GAS2: variants seen among roughly 807,000 people sequenced by gnomAD.
The protein encoded by GAS2 is growth arrest-specific protein 2.
A neutral mutation model predicts 37.5 loss-of-function variants in GAS2; 20 were observed. That is an observed-to-expected ratio of 0.53 (90% confidence interval 0.37 to 0.77). The LOEUF is 0.77. Among genes scored for constraint, GAS2 ranks in the 30% least tolerant of loss-of-function variants. The pLI is 0.00. For synonymous variants in GAS2, 144 were observed against 132.2 expected, an observed-to-expected ratio of 1.09 and a Z score of -0.61; for missense variants, 336 against 373.4, an observed-to-expected ratio of 0.90 and a Z score of 0.82.
chr11:22,694,344 G>A (rs913084885), intron 3 of GAS2, among the ~76,000 whole-genome samples: 1 of 152,060 alleles, frequency 6.6e-6, no homozygotes, highest in Non-Finnish European at 1.5e-5. Context: ...AAGTGCCAAC[G>A]TGTGTTCCTG....
At chr11:22,719,576 A>G (rs1424428133) in intron 3 of GAS2, among the ~76,000 whole-genome samples, 3 of 152,088 alleles carry the variant, frequency 2.0e-5, no homozygotes, top group Non-Finnish European at 2.9e-5. Context: ...CAATATAATT[A>G]CATACAGAAT....
intron 1 of GAS2, among the ~76,000 whole-genome samples, chr11:22,654,294 C>T (rs369868018): frequency 5.9e-4 from 90 of 152,278 alleles, no homozygotes; most frequent in African/African-American, 2.1e-3. Context: ...CTTAATGGTA[C>T]AGGGATATTT....
At chr11:22,759,952 G>A (rs12420550) in intron 7 of GAS2, among the ~76,000 whole-genome samples, 31,586 of 151,834 alleles carry the variant, frequency 0.21, 3,401 homozygotes, top group East Asian at 0.37. Context: ...AATAATGTCT[G>A]TGGTATTTGA....
chr11:22,684,259 A>C (rs1011618831), intron 2 of GAS2, among the ~76,000 whole-genome samples: 2 of 152,178 alleles, frequency 1.3e-5, no homozygotes, highest in Non-Finnish European at 2.9e-5. Flanking sequence ...ATTCCAGGTA[A>C]AGGAGAAAAT....
At chr11:22,700,658 A>G (rs1850792388) in intron 3 of GAS2, among the ~76,000 whole-genome samples, 1 of 152,200 alleles carries the variant, frequency 6.6e-6, no homozygotes, top group Non-Finnish European at 1.5e-5. Flanking sequence ...AGAGCATTAT[A>G]TAAAGGTAAA....
chr11:22,776,184 T>G (rs1352009163), intron 7 of GAS2, among the ~76,000 whole-genome samples: 4 of 152,190 alleles, frequency 2.6e-5, no homozygotes, highest in Non-Finnish European at 4.4e-5. Flanking sequence ...AGTCAGGTTT[T>G]TATGTTCTGG....
intron 3 of GAS2, among the ~76,000 whole-genome samples, chr11:22,692,086 T>C (rs923128334): frequency 3.9e-4 from 59 of 152,090 alleles, no homozygotes; most frequent in African/African-American, 1.3e-3. Context: ...GAATGGTATG[T>C]AAAGGAGCTT....
At chr11:22,789,524 T>C (rs549478129) in intron 7 of GAS2, among the ~76,000 whole-genome samples, 216 of 131,870 alleles carry the variant, frequency 1.6e-3, no homozygotes, top group Non-Finnish European at 2.4e-3. Flanking sequence ...TGCAGTGGCG[T>C]GATCTCGGCT....
chr11:22,789,698 C>G (rs565869614), intron 7 of GAS2, among the ~76,000 whole-genome samples: 1 of 151,302 alleles, frequency 6.6e-6, no homozygotes, highest in Non-Finnish European at 1.5e-5. Flanking sequence ...ATCTCCTGAC[C>G]TCATGATCCG....
intron 3 of GAS2, among the ~76,000 whole-genome samples, chr11:22,715,040 A>C (rs1027665125): frequency 6.6e-6 from 1 of 152,184 alleles, no homozygotes; most frequent in Non-Finnish European, 1.5e-5. Context: ...AAATTGAAAC[A>C]ATGACAAAAA....
At chr11:22,684,690 G>A (rs1376090586) in intron 2 of GAS2, among the ~76,000 whole-genome samples, 1 of 152,084 alleles carries the variant, frequency 6.6e-6, no homozygotes, top group African/African-American at 2.4e-5. Context: ...TCAGCCTCCC[G>A]AGTAGCTGGG....
chr11:22,787,573 C>T lies in GAS2; in HGVS notation c.724-24225C>T, dbSNP rs576462639. ...GCTGGAGTGACAAGTAGATTTATTC[C>T]GAAAAAAAAAGAAAAAAGAAAAAGA... is the stretch of plus-strand genomic sequence containing the variant. On this transcript the variant is annotated intron_variant, in intron 7 of 7. Transcript: ENST00000454584. Among the ~76,000 whole-genome samples the T allele has an allele frequency of 2.7e-3, 402 of 148,804 alleles. 2 individuals carry two copies. The highest frequency in any genetic ancestry group is 9.5e-3 in the African/African-American group (384 of 40,448).
intron 2 of GAS2, among the ~76,000 whole-genome samples, chr11:22,683,245 C>T (rs533749231): frequency 6.4e-4 from 97 of 152,134 alleles, no homozygotes; most frequent in Middle Eastern, 6.8e-3. Flanking sequence ...AATGGTTCAT[C>T]TGTTGTTCCA....
intron 3 of GAS2, among the ~76,000 whole-genome samples, chr11:22,700,818 T>C (rs115043315): frequency 7.9e-4 from 120 of 152,264 alleles, no homozygotes; most frequent in African/African-American, 2.8e-3. Context: ...CATTGAAAAT[T>C]AGGAAGAAAA....
intron 7 of GAS2, among the ~76,000 whole-genome samples, chr11:22,794,549 T>C (rs1437971402): frequency 6.6e-6 from 1 of 152,174 alleles, no homozygotes; most frequent in Non-Finnish European, 1.5e-5. Context: ...TTACACTTCC[T>C]TTCTTTCTAT....
chr11:22,698,707 G>C (rs1850672175), intron 3 of GAS2, among the ~76,000 whole-genome samples: 3 of 152,060 alleles, frequency 2.0e-5, no homozygotes, highest in Non-Finnish European at 2.9e-5. Context: ...ATGCAAGGCT[G>C]GTTCAATATA....
intron 1 of GAS2, among the ~76,000 whole-genome samples, chr11:22,661,093 A>C (rs619365): frequency 6.6e-6 from 1 of 152,124 alleles, no homozygotes; most frequent in South Asian, 2.1e-4. Flanking sequence ...TTAAAAATCA[A>C]TGAATAACTG....
At chr11:22,699,087 T>C (rs1316732891) in intron 3 of GAS2, among the ~76,000 whole-genome samples, 1 of 152,202 alleles carries the variant, frequency 6.6e-6, no homozygotes, top group Non-Finnish European at 1.5e-5. Context: ...CATAGGCTGC[T>C]AGTTTTCTAT....
chr11:22,652,993 G>GTCTTTCTTTTTCTTTCTTTCTT (rs1848805951), intron 1 of GAS2, among the ~76,000 whole-genome samples: 1 of 97,036 alleles, frequency 1.0e-5, no homozygotes, highest in Non-Finnish European at 2.0e-5. Context: ...TTCTTTCTTT[G>GTCTTTCTTTTTCTTTCTTTCTT]TCTTTCTTTC....
Sources: allele counts gnomAD v4.1 joint callset (sites outside exome capture counted in the v4.1 genomes callset), GRCh38; gene constraint gnomAD v4.1.1; transcripts MANE v1.5; gene names NCBI Gene and HGNC (gene_info 2026-07-23, HGNC 2026-07-21).